Variants in DAXX observed in about 807,000 individuals in gnomAD.
DAXX encodes the protein death domain associated protein.
A neutral mutation model predicts 61.9 loss-of-function variants in DAXX; 24 were observed. The observed-to-expected ratio is 0.39, with a 90% CI of 0.28 to 0.55. The LOEUF (loss-of-function observed/expected upper bound fraction) is 0.55. Among genes scored for constraint, DAXX ranks in the 20% least tolerant of loss-of-function variants. The pLI is 0.69. For synonymous variants in DAXX, 357 were observed against 369.5 expected, an observed-to-expected ratio of 0.97 and a Z score of 0.39; for missense variants, 819 against 935.3, an observed-to-expected ratio of 0.88 and a Z score of 1.62.
chr6:33,319,892 T>C (rs1770326184), intron 5 of DAXX, 38 bp from the exon 6 acceptor site: 2 of 1,594,636 alleles, frequency 1.3e-6, no homozygotes, highest in Non-Finnish European at 1.7e-6. Context: ...AGCCTGAGAA[T>C]GAGGGGGAAA....
Position 33,321,360 on chromosome 6 carries a change from C to T in DAXX, c.415G>A (p.Ala139Thr), listed in dbSNP as rs2150997101. The T allele has an allele frequency of 6.2e-7, 1 of 1,613,574 alleles. No individual in the cohort carries two copies. Among genetic ancestry groups the T allele is most frequent in the Non-Finnish European group, 8.5e-7 (1 of 1,179,484 alleles). The change falls in exon 3 of 8, where the codon GCC becomes ACC. Residue 139 changes from alanine to threonine, a missense_variant. Physicochemically the swap from Ala to Thr is moderately conservative, Grantham distance 58. Coordinates refer to ENST00000374542, the MANE Select transcript of DAXX (RefSeq NM_001141969.2). The surrounding 1 kb of genome is among the most constrained non-coding windows in gnomAD (Gnocchi z 7.2). ...ELCTVLKAHS[A>T]KKKLNLAPAA... is the part of the protein sequence containing the mutation. The stretch of plus-strand genomic sequence containing the variant: ...GGGGCCAAGTTCAGCTTCTTTTTGG[C>T]TGAGTGGGCCTTGAGAACAGTGCAG...
Position 33,321,158 on chromosome 6 carries a change from T to G in DAXX, c.617A>C (p.Gln206Pro). The G allele has an allele frequency of 6.2e-7, 1 of 1,613,678 alleles. No individual in the cohort carries two copies. ...ALYVAEIRRL[Q>P]EKELDLSELD... Reference sequence around the variant, plus strand: ...TTCTGAGAGATCCAACTCCTTTTCCTGCAGCCGCCGGATCTCTGCCACATA... The same window carrying G: ...TTCTGAGAGATCCAACTCCTTTTCCGGCAGCCGCCGGATCTCTGCCACATA... The change falls in exon 3 of 8, where the codon CAG (glutamine) becomes CCG (proline). Residue 206 changes from glutamine to proline, a missense_variant. By Grantham distance (76) the Gln-to-Pro change is moderately conservative. Coordinates refer to ENST00000374542, the MANE Select transcript of DAXX (RefSeq NM_001141969.2). The surrounding 1 kb of genome is among the most constrained non-coding windows in gnomAD (Gnocchi z 7.2).
Position 33,319,598 on chromosome 6 carries a change from C to A in DAXX, c.1722G>T (p.Leu574Phe). ...SQLFELEIEA[L>F]PLDTPSSVET... The stretch of plus-strand genomic sequence containing the variant: ...CCACAGAGGAAGGGGTATCCAGGGG[C>A]AAAGCTTCAATCTCTAGCTCAAAGA... Residue 574 changes from leucine to phenylalanine, a missense_variant, in exon 6 of 8, where the codon TTG (leucine) becomes TTT (phenylalanine). Coordinates refer to ENST00000374542, the MANE Select transcript of DAXX (RefSeq NM_001141969.2). The A allele has an allele frequency of 6.2e-7, 1 of 1,614,120 alleles. No homozygotes were observed. Among genetic ancestry groups the A allele is most frequent in the Non-Finnish European group, 8.5e-7 (1 of 1,179,972 alleles).
Position 33,321,272 on chromosome 6 carries a change from G to C in DAXX, c.503C>G (p.Pro168Arg). Residue 168 changes from proline to arginine, a missense_variant, in exon 3 of 8, where the codon CCC becomes CGC. By Grantham distance (103) the Pro-to-Arg change is moderately radical (BLOSUM62 -2). Coordinates refer to ENST00000374542, the MANE Select transcript of DAXX (RefSeq NM_001141969.2). The surrounding 1 kb of genome is among the most constrained non-coding windows in gnomAD (Gnocchi z 7.2). The stretch of plus-strand genomic sequence containing the variant: ...AGAGGCAGTGTTTTCAGCATTTGTG[G>C]GGTCCAAGGAGAGGTGTGTGGGAGG... ...NNPPTHLSLD[P>R]TNAENTASQS... The C allele has an allele frequency of 1.2e-6, 2 of 1,613,504 alleles. No homozygotes were observed. Among genetic ancestry groups the C allele is most frequent in the Middle Eastern group, 1.7e-4 (1 of 6,054 alleles).
Position 33,320,233 on chromosome 6 carries a change from CAAAG to C in DAXX, c.1252-13_1252-10del. On this transcript the variant is annotated splice_polypyrimidine_tract_variant and intron_variant, in intron 4 of 7. Coordinates refer to ENST00000374542, the MANE Select transcript of DAXX (RefSeq NM_001141969.2). This position sits in a 1 kb window ranked among gnomAD's most constrained non-coding sequence, Gnocchi z 7.1. ...GCCATTCCACTAGGGCCCTGGGAGACAAAGAAGTTTCTCTAAGGAATCCCTTGCC... is the reference window on the plus strand; with the variant it reads ...GCCATTCCACTAGGGCCCTGGGAGACAAGTTTCTCTAAGGAATCCCTTGCC... 1 of 1,598,610 alleles carries C rather than the reference CAAAG, an allele frequency of 6.3e-7. No individual in the cohort carries two copies.
chr6:33,322,601 C>A (rs951316158), intron 1 of DAXX: 80 of 317,640 alleles, frequency 2.5e-4, no homozygotes, highest in African/African-American at 1.6e-3. Flanking sequence ...TCTCGGTGAC[C>A]CGTAACTGAT....
intron 7 of DAXX, 61 bp from the exon 8 acceptor site, chr6:33,318,863 G>C (rs2150986383): frequency 8.1e-7 from 1 of 1,233,392 alleles, no homozygotes; most frequent in Non-Finnish European, 1.2e-6. Flanking sequence ...AAAGAAACAG[G>C]AGGATTTAGA....
chr6:33,318,748 C>CA lies in DAXX; in HGVS notation c.2217dup (p.Asp740Ter). 1.3e-6 allele frequency: 2 copies of CA among 1,497,920 alleles called. No individual in the cohort carries two copies. Among genetic ancestry groups the CA allele is most frequent in the Non-Finnish European group, 1.8e-6 (2 of 1,095,354 alleles). The allele number at this position is 1,497,920 out of a possible 1,614,324, so 92.8% of individuals were successfully genotyped here. A position where few individuals can be genotyped will look rare whatever the true frequency, so the allele number is the denominator to read the frequency against. On this transcript the variant is annotated frameshift_variant, in exon 8 of 8. Transcript: ENST00000374542. LOFTEE classifies it high-confidence loss of function. The stretch of plus-strand genomic sequence containing the variant: ...GCAGGGAGAAGGGGAGGCAGCTAAT[C>CA]AGAGTCTGAGAGCACGATGATCTCT...
chr6:33,322,481 A>G, intron 1 of DAXX: 1 of 212,926 alleles, frequency 4.7e-6, no homozygotes, highest in Non-Finnish European at 9.7e-6. Flanking sequence ...CTCCTCCTTG[A>G]ATTATCTCCA....
rs1475298644 is a variant in DAXX, at chr6:33,321,761, G to C, written c.165C>G (p.Gly55=). The change falls in exon 2 of 8, where the codon GGC becomes GGG. Residue 55 remains glycine, a synonymous_variant. Transcript: ENST00000374542. The surrounding 1 kb of genome is among the most constrained non-coding windows in gnomAD (Gnocchi z 7.2). The stretch of plus-strand genomic sequence containing the variant: ...CATTCTCCAGCTTGTAGCATTTCTT[G>C]CCGCCCGAACTACTGCTTCCTCTGG... ...HGARGSSSSG[G]KKCYKLENEK... 1 of 1,613,400 alleles carries C rather than the reference G, an allele frequency of 6.2e-7. No individual in the cohort carries two copies. The highest frequency in any genetic ancestry group is 1.1e-5 in the South Asian group (1 of 91,074).
Position 33,320,406 on chromosome 6 carries a change from G to A in DAXX, c.1225C>T (p.Pro409Ser), listed in dbSNP as rs572832375. 6.4e-5 allele frequency: 103 copies of A among 1,612,710 alleles called. 3 individuals are homozygous for A. The South Asian group carries it at 1.1e-3, about 17-fold the overall frequency. ...QGTSSHSADT[P>S]EASLDSGEGP... ...TCACCAGAATCCAAGGAGGCTTCGG[G>A]GGTGTCTGCAGAGTGGGAAGAGGTG... Residue 409 changes from proline (P) to serine (S), a missense_variant, in exon 4 of 8, where the codon CCC (proline) becomes TCC (serine). Transcript: ENST00000374542. This position sits in a 1 kb window ranked among gnomAD's most constrained non-coding sequence, Gnocchi z 7.1.
Position 33,318,763 on chromosome 6 carries a change from C to T in DAXX, c.2203G>A (p.Val735Met), listed in dbSNP as rs2150985812. ...GGCAGCTAATCAGAGTCTGAGAGCA[C>T]GATGATCTCTTCTGGATCGCATTGT... ...ATQCDPEEII[V>M]LSDSD The change falls in exon 8 of 8, where the codon GTG becomes ATG. Residue 735 changes from valine to methionine, a missense_variant. Val to Met is a conservative substitution (Grantham distance 21). Transcript: ENST00000374542. 5 of 1,546,460 alleles carry T rather than the reference C, an allele frequency of 3.2e-6. No homozygotes were observed. The highest frequency in any genetic ancestry group is 1.4e-5 in the African/African-American group (1 of 72,526).
Position 33,321,123 on chromosome 6 carries a change from G to T in DAXX, c.652C>A (p.Pro218Thr), listed in dbSNP as rs1770544998. Residue 218 changes from proline (P) to threonine (T), a missense_variant, in exon 3 of 8, where the codon CCA becomes ACA. Transcript: ENST00000374542. The surrounding 1 kb of genome is among the most constrained non-coding windows in gnomAD (Gnocchi z 7.2). ...GCCTCCTGCAGGTATGCGGAGTCTGGGTCATCCAATTCTGAGAGATCCAAC... is the reference window on the plus strand; with the variant it reads ...GCCTCCTGCAGGTATGCGGAGTCTGTGTCATCCAATTCTGAGAGATCCAAC... ...KELDLSELDDPDSAYLQEARL... is the reference protein window; with the variant it reads ...KELDLSELDDTDSAYLQEARL... The T allele has an allele frequency of 6.2e-7, 1 of 1,612,790 alleles. No homozygotes were observed. The highest frequency in any genetic ancestry group is 1.3e-5 in the African/African-American group (1 of 74,882).
At position 33,320,095 on chromosome 6, in the gene DAXX, A is replaced by G; in HGVS notation, c.1381T>C (p.Ser461Pro). 1 of 1,613,386 alleles carries G rather than the reference A, an allele frequency of 6.2e-7. No homozygotes were observed. The highest frequency in any genetic ancestry group is 8.5e-7 in the Non-Finnish European group (1 of 1,179,742). Residue 461 changes from serine (S) to proline (P), a missense_variant, in exon 5 of 8, where the codon TCT (serine) becomes CCT (proline). Physicochemically the swap from Ser to Pro is moderately conservative, Grantham distance 74. Coordinates refer to ENST00000374542, the MANE Select transcript of DAXX (RefSeq NM_001141969.2). The surrounding 1 kb of genome is among the most constrained non-coding windows in gnomAD (Gnocchi z 7.1). ...EEEEEEEATDSEEEEDLEQMQ... is the reference protein window; with the variant it reads ...EEEEEEEATDPEEEEDLEQMQ... ...TGTTCCAGATCCTCCTCCTCTTCAG[A>G]ATCTGTGGCCTCCTCCTCTTCTTCT...
chr6:33,322,626 C>A (rs1192220104), intron 1 of DAXX: 1 of 332,214 alleles, frequency 3.0e-6, no homozygotes, highest in Non-Finnish European at 5.9e-6. Flanking sequence ...AGTCCCCCCG[C>A]ACCGCGCTAC....
chr6:33,320,094 G>A lies in DAXX; in HGVS notation c.1382C>T (p.Ser461Phe), dbSNP rs1237131098. Reference sequence around the variant, plus strand: ...CTGTTCCAGATCCTCCTCCTCTTCAGAATCTGTGGCCTCCTCCTCTTCTTC... The same window carrying A: ...CTGTTCCAGATCCTCCTCCTCTTCAAAATCTGTGGCCTCCTCCTCTTCTTC... ...EEEEEEEATD[S>F]EEEEDLEQMQ... is the part of the protein sequence containing the mutation. The change falls in exon 5 of 8, where the codon TCT becomes TTT. Residue 461 changes from serine to phenylalanine, a missense_variant. Transcript: ENST00000374542. The surrounding 1 kb of genome is among the most constrained non-coding windows in gnomAD (Gnocchi z 7.1). 1 of 1,613,584 alleles carries A rather than the reference G, an allele frequency of 6.2e-7. No homozygotes were observed. The highest frequency in any genetic ancestry group is 1.1e-5 in the South Asian group (1 of 91,044).
chr6:33,318,806 C>T lies in DAXX; in HGVS notation c.2164-4G>A, dbSNP rs1250647933. ...CGCATTGTGTGGCCACACTTGTCTG[C>T]AGGGAAGTGAGAGACAAAGAGTCAA... is the stretch of plus-strand genomic sequence containing the variant. On this transcript the variant is annotated splice_polypyrimidine_tract_variant and splice_region_variant and intron_variant, in intron 7 of 7. Coordinates refer to ENST00000374542, the MANE Select transcript of DAXX (RefSeq NM_001141969.2). 3 of 1,528,860 alleles carry T rather than the reference C, an allele frequency of 2.0e-6. No individual in the cohort carries two copies. The highest frequency in any genetic ancestry group is 2.7e-6 in the Non-Finnish European group (3 of 1,119,086). The allele number at this position is 1,528,860 out of a possible 1,614,324, so 94.7% of individuals were successfully genotyped here.
rs913125455 is a variant in DAXX, at chr6:33,321,074, C to T, written c.701G>A (p.Arg234His). ...CAGCTCACATAGTCGCCCAAAGAGG[C>T]GGATCAGCTTACGCTTCAACCGTGC... ...QEARLKRKLI[R>H]LFGRLCELKD... is the part of the protein sequence containing the mutation. The change falls in exon 3 of 8, where the codon CGC (arginine) becomes CAC (histidine). Residue 234 changes from arginine to histidine, a missense_variant. Arg to His is a conservative substitution (Grantham distance 29). Transcript: ENST00000374542. This position sits in a 1 kb window ranked among gnomAD's most constrained non-coding sequence, Gnocchi z 7.2. 13 of 1,613,348 alleles carry T rather than the reference C, an allele frequency of 8.1e-6. No homozygotes were observed. Among genetic ancestry groups the T allele is most frequent in the East Asian group, 2.2e-5 (1 of 44,894 alleles).
At position 33,322,933 on chromosome 6, in the gene DAXX, TC is replaced by T. The variant is rs2151002991; in HGVS notation, c.-125del. On this transcript the variant is annotated 5_prime_UTR_variant, in exon 1 of 8. Transcript: ENST00000374542. ...CTCGCATGGTTCCCTCCGCCTTCCTTCCCACTCCCACCGCAGGCCCCACTAC... is the reference window on the plus strand; with the variant it reads ...CTCGCATGGTTCCCTCCGCCTTCCTTCCACTCCCACCGCAGGCCCCACTAC... The T allele has an allele frequency of 7.2e-7, 1 of 1,397,088 alleles. No homozygotes were observed. 86.5% of individuals were successfully genotyped at this position (1,397,088 alleles called of 1,614,324 possible).
Sources: gnomAD v4.1 joint callset for allele counts on GRCh38, gnomAD v4.1.1 for gene constraint, Gnocchi (gnomAD v3.1) non-coding constraint, MANE v1.5 for transcripts, NCBI Gene and HGNC (gene_info 2026-07-23, HGNC 2026-07-21) for gene names.